Variants in ATP6V1C2 observed in about 807,000 individuals in gnomAD.
ATP6V1C2 encodes ATPase H+ transporting V1 subunit C2.
Under a neutral mutation model 56.8 loss-of-function variants are expected in ATP6V1C2, and 45 were observed. The observed-to-expected ratio is 0.79, with a 90% CI of 0.62 to 1.02. The LOEUF (loss-of-function observed/expected upper bound fraction) is 1.02, where lower values mean the gene tolerates loss of function less well. Ranked by LOEUF, ATP6V1C2 falls within the 50% of genes least tolerant of loss-of-function variation. The pLI is 0.00. For synonymous variants in ATP6V1C2, 220 were observed against 201.3 expected (o/e 1.09, Z -0.79); for missense variants, 463 against 519.7 (o/e 0.89, Z 1.06).
At chr2:10,723,968 G>T (rs1661503646) in intron 2 of ATP6V1C2, among the ~76,000 whole-genome samples, 1 of 151,836 alleles carries the variant, frequency 6.6e-6, no homozygotes, top group Non-Finnish European at 1.5e-5. Context: ...CACCATGTTG[G>T]GCAGGCTGGT....
At chr2:10,769,658 C>T (rs577359215) in intron 6 of ATP6V1C2, among the ~76,000 whole-genome samples, 54 of 151,710 alleles carry the variant, frequency 3.6e-4, no homozygotes, top group African/African-American at 1.1e-3. Context: ...GAGCTGAGAT[C>T]GCCACTGCAC....
chr2:10,779,981 C>T (rs1044441413), intron 12 of ATP6V1C2, among the ~76,000 whole-genome samples: 4 of 152,162 alleles, frequency 2.6e-5, no homozygotes, highest in East Asian at 1.9e-4. Context: ...CTCTGACTCG[C>T]GGCCTCCTGG....
At chr2:10,744,903 T>C (rs558842666) in intron 3 of ATP6V1C2, among the ~76,000 whole-genome samples, 9 of 151,702 alleles carry the variant, frequency 5.9e-5, no homozygotes, top group Non-Finnish European at 1.3e-4. Flanking sequence ...TCTCTTGACC[T>C]CGTGATCTGC....
Position 10,743,181 on chromosome 2 carries a change from A to G in ATP6V1C2, c.198-10800A>G, listed in dbSNP as rs140469690. On this transcript the variant is annotated intron_variant, in intron 3 of 13. Coordinates refer to ENST00000272238, the MANE Select transcript of ATP6V1C2 (RefSeq NM_001039362.2). ...GCCCAGGCTGGACTGCAGTGATTCA[A>G]TCACTCCTCACTGCAACCAGCCTCA... Among the ~76,000 whole-genome samples the G allele has an allele frequency of 4.6e-5, 7 of 152,118 alleles. No individual in the cohort carries two copies. The East Asian group carries it at 7.7e-4, about 17-fold the overall frequency.
chr2:10,724,758 C>T (rs535265828), intron 2 of ATP6V1C2, among the ~76,000 whole-genome samples: 5 of 151,648 alleles, frequency 3.3e-5, no homozygotes, highest in African/African-American at 9.7e-5. Flanking sequence ...CTGCAACCTC[C>T]GCCTCCTGGG....
chr2:10,771,493 G>A lies in ATP6V1C2; in HGVS notation c.471-346G>A, dbSNP rs914459334. ...GAGTAACTTTAGCTGCCTGCCACCC[G>A]AGGCCCCCTCCCATAGCAGCCGGAG... is the stretch of plus-strand genomic sequence containing the variant. On this transcript the variant is annotated intron_variant, in intron 6 of 13. Coordinates refer to ENST00000272238, the MANE Select transcript of ATP6V1C2 (RefSeq NM_001039362.2). Among the ~76,000 whole-genome samples, 7 of 152,196 alleles carry A rather than the reference G, an allele frequency of 4.6e-5. No homozygotes were observed. In the South Asian group the frequency reaches 1.2e-3, roughly 27 times the overall value.
chr2:10,732,075 C>T (rs1455791663), intron 3 of ATP6V1C2, among the ~76,000 whole-genome samples: 3 of 152,116 alleles, frequency 2.0e-5, no homozygotes, highest in Non-Finnish European at 4.4e-5. Context: ...ATTTTCTGTC[C>T]TAGTGCAAGT....
rs183578849 is a variant in ATP6V1C2, at chr2:10,744,825, C to T, written c.198-9156C>T. On this transcript the variant is annotated intron_variant, in intron 3 of 13. Coordinates refer to ENST00000272238, the MANE Select transcript of ATP6V1C2 (RefSeq NM_001039362.2). ...CTGGGACTACAGGCGTGCGCCACCA[C>T]GCCCAGCTGATTTTTTTGTATTTTT... is the stretch of plus-strand genomic sequence containing the variant. Among the ~76,000 whole-genome samples, 489 of 150,626 alleles carry T rather than the reference C, an allele frequency of 3.2e-3. 11 individuals are homozygous for T. The highest frequency in any genetic ancestry group is 0.028 in the Admixed American group (418 of 15,102).
rs1348456909 is a variant in ATP6V1C2, at chr2:10,766,399, G to A, written c.378+1974G>A. Among the ~76,000 whole-genome samples the A allele has an allele frequency of 2.6e-5, 4 of 152,276 alleles. No individual in the cohort carries two copies. In the East Asian group the frequency reaches 7.7e-4, roughly 29 times the overall value. On this transcript the variant is annotated intron_variant, in intron 5 of 13. Coordinates refer to ENST00000272238, the MANE Select transcript of ATP6V1C2 (RefSeq NM_001039362.2). ...AATTCCAGGCCACTTTGCTCAGAGA[G>A]GTCAAGGAGCTTATGTCAGGTCACA... is the stretch of plus-strand genomic sequence containing the variant.
intron 3 of ATP6V1C2, among the ~76,000 whole-genome samples, chr2:10,731,728 C>T (rs1019741011): frequency 2.0e-4 from 30 of 152,152 alleles, no homozygotes; most frequent in African/African-American, 7.0e-4. Context: ...AATCCCAGCA[C>T]TTTGGGAGGC....
chr2:10,757,122 C>T (rs1663605927), intron 4 of ATP6V1C2, among the ~76,000 whole-genome samples: 1 of 149,512 alleles, frequency 6.7e-6, no homozygotes, highest in South Asian at 2.1e-4. Context: ...AAGCAAGTCT[C>T]CTGCCTCGCC....
chr2:10,761,308 C>T (rs1025099491), intron 4 of ATP6V1C2, among the ~76,000 whole-genome samples: 10 of 152,070 alleles, frequency 6.6e-5, no homozygotes, highest in African/African-American at 2.2e-4. Context: ...GACTGGTTCC[C>T]AGCTTGTGGG....
At chr2:10,775,113 G>A (rs1334886375) in intron 10 of ATP6V1C2, 42 bp downstream of exon 10, 3 of 1,512,582 alleles carry the variant, frequency 2.0e-6, no homozygotes, top group Non-Finnish European at 2.8e-6. Flanking sequence ...CCTACCCGGA[G>A]GCCTGGGGAT....
intron 3 of ATP6V1C2, among the ~76,000 whole-genome samples, chr2:10,727,768 G>A (rs999765269): frequency 2.0e-5 from 3 of 151,906 alleles, no homozygotes; most frequent in Non-Finnish European, 4.4e-5. Context: ...GTGTGGTGGC[G>A]GGTGCCTATA....
intron 4 of ATP6V1C2, among the ~76,000 whole-genome samples, chr2:10,756,042 G>A (rs1011953520): frequency 6.6e-6 from 1 of 152,114 alleles, no homozygotes; most frequent in Non-Finnish European, 1.5e-5. Context: ...GATTCTATGC[G>A]TATATATTGA....
chr2:10,723,396 TGACCTGG>T (rs1213399333), intron 2 of ATP6V1C2, among the ~76,000 whole-genome samples: 1 of 152,086 alleles, frequency 6.6e-6, no homozygotes, highest in Non-Finnish European at 1.5e-5. Flanking sequence ...ATTGTACTCT[TGACCTGG>T]GGGCAGGGGA....
At chr2:10,756,252 T>C (rs900219378) in intron 4 of ATP6V1C2, among the ~76,000 whole-genome samples, 6 of 151,928 alleles carry the variant, frequency 3.9e-5, no homozygotes, top group Non-Finnish European at 8.8e-5. Context: ...CCCAGCTACT[T>C]GGGAGGCTGG....
At chr2:10,741,299 C>T (rs1572525628) in intron 3 of ATP6V1C2, among the ~76,000 whole-genome samples, 1 of 152,342 alleles carries the variant, frequency 6.6e-6, no homozygotes, top group East Asian at 1.9e-4. Flanking sequence ...CACTTAATTG[C>T]TGTGGAGTCA....
chr2:10,764,521 T>G (rs1220047700), intron 5 of ATP6V1C2, 96 bp downstream of exon 5: 2 of 1,039,954 alleles, frequency 1.9e-6, no homozygotes, highest in African/African-American at 3.1e-5. Context: ...CAGCCTGTCC[T>G]GACTGGGCCT....
Sources: allele counts gnomAD v4.1 joint callset (sites outside exome capture counted in the v4.1 genomes callset), GRCh38; gene constraint gnomAD v4.1.1; transcripts MANE v1.5; gene names NCBI Gene and HGNC (gene_info 2026-07-23, HGNC 2026-07-21).